Variants in CRAMP1 observed in about 807,000 individuals in gnomAD.
The protein encoded by CRAMP1 is protein cramped-like.
Under a neutral mutation model 115.4 loss-of-function variants are expected in CRAMP1, and 50 were observed. The observed-to-expected ratio is 0.43, with a 90% CI of 0.35 to 0.55. The LOEUF is 0.55. Ranked by LOEUF, CRAMP1 falls within the 20% of genes least tolerant of loss-of-function variation. The pLI is 0.01. For synonymous variants in CRAMP1, 866 were observed against 745.4 expected, an observed-to-expected ratio of 1.16 and a Z score of -2.64; for missense variants, 1,679 against 1,721.7, an observed-to-expected ratio of 0.98 and a Z score of 0.44.
chr16:1,665,162 G>A (rs374626066), intron 14 of CRAMP1, 24 bp downstream of exon 14: 2 of 1,515,096 alleles, frequency 1.3e-6, no homozygotes. Flanking sequence ...GCTTTTCTGG[G>A]GTAGCTTGTC....
chr16:1,635,933 CG>C (rs1239788903), intron 4 of CRAMP1, among the ~76,000 whole-genome samples: 3 of 152,182 alleles, frequency 2.0e-5, no homozygotes, highest in African/African-American at 7.2e-5. Flanking sequence ...CTTCACTCAG[CG>C]TCAGGTTTCA....
chr16:1,655,375 G>A (rs1567457703), intron 9 of CRAMP1, 75 bp downstream of exon 9: 2 of 1,180,136 alleles, frequency 1.7e-6, no homozygotes, highest in Non-Finnish European at 2.5e-6. Context: ...ACGCCTCCCT[G>A]TGCCTGTCAT....
intron 3 of CRAMP1, among the ~76,000 whole-genome samples, chr16:1,631,038 C>T (rs1319108066): frequency 6.6e-6 from 1 of 152,174 alleles, no homozygotes; most frequent in African/African-American, 2.4e-5. Flanking sequence ...CCGTGTTTCT[C>T]ATCATTCTTT....
In CRAMP1 at chr16:1,639,387, CCCTCTAGAGGGGGAAA is replaced by C. The variant is rs372806657; in HGVS notation, c.778+1491_778+1506del. Among the ~76,000 whole-genome samples, 30 of 150,466 alleles carry C rather than the reference CCCTCTAGAGGGGGAAA, an allele frequency of 2.0e-4. No individual in the cohort carries two copies. The East Asian group carries it at 3.7e-3, about 19-fold the overall frequency. ...CAAGAGCCCTTTTACAGAAGTTTCC[CCCTCTAGAGGGGGAAA>C]CCTCTAGAGGTTTCCCATTGGCTGC... is the stretch of plus-strand genomic sequence containing the variant. On this transcript the variant is annotated intron_variant, in intron 5 of 20. Coordinates refer to ENST00000397412, the MANE Select transcript of CRAMP1 (RefSeq NM_020825.4).
At position 1,638,138 on chromosome 16, in the gene CRAMP1, C is replaced by T. The variant is rs117787347; in HGVS notation, c.778+231C>T. Among the ~76,000 whole-genome samples, 167 of 152,322 alleles carry T rather than the reference C, an allele frequency of 1.1e-3. 1 individual carries two copies. Among genetic ancestry groups the T allele is most frequent in the Non-Finnish European group, 1.9e-3 (126 of 68,026 alleles). On this transcript the variant is annotated intron_variant, in intron 5 of 20. Coordinates refer to ENST00000397412, the MANE Select transcript of CRAMP1 (RefSeq NM_020825.4). ...ATGCACATGCACACATGCTCGCGTG[C>T]ACACATGTGTTCACACACTCTGCAT...
chr16:1,666,599 G>C lies in CRAMP1; in HGVS notation c.3035G>C (p.Gly1012Ala). ...HQDGDTLPTV[G>A]GSDPFVSIPS... Reference sequence around the variant, plus strand: ...GATGGAGACACCCTCCCCACCGTGGGGGTGAGTATGTTTAGAAGGGCTTTT... The same window carrying C: ...GATGGAGACACCCTCCCCACCGTGGCGGTGAGTATGTTTAGAAGGGCTTTT... Residue 1012 changes from glycine (G) to alanine (A), a missense_variant and splice_region_variant, in exon 16 of 21, where the codon GGG (glycine) becomes GCG (alanine). Physicochemically the swap from Gly to Ala is moderately conservative, Grantham distance 60. This residue lies in a region of CRAMP1 where 709 missense variants were observed against 741.9 expected (regional missense o/e 0.96). Coordinates refer to ENST00000397412, the MANE Select transcript of CRAMP1 (RefSeq NM_020825.4). This position sits in a 1 kb window ranked among gnomAD's most constrained non-coding sequence, Gnocchi z 5.0. 1.2e-6 allele frequency: 2 copies of C among 1,613,504 alleles called. No homozygotes were observed. The highest frequency in any genetic ancestry group is 1.7e-6 in the Non-Finnish European group (2 of 1,179,576).
chr16:1,621,885 C>G (rs1410369956), intron 2 of CRAMP1, among the ~76,000 whole-genome samples: 4 of 152,146 alleles, frequency 2.6e-5, no homozygotes, highest in Non-Finnish European at 5.9e-5. Flanking sequence ...TGTCCTGCAC[C>G]CAGAGAAGCC....
intron 6 of CRAMP1, among the ~76,000 whole-genome samples, chr16:1,645,178 G>A (rs1320273963): frequency 6.6e-6 from 1 of 151,718 alleles, no homozygotes; most frequent in Admixed American, 6.6e-5. Flanking sequence ...TTAACACTTC[G>A]TTGGTTTATT....
chr16:1,661,292 A>T (rs1033234715), intron 11 of CRAMP1, among the ~76,000 whole-genome samples: 2 of 152,152 alleles, frequency 1.3e-5, no homozygotes, highest in Non-Finnish European at 2.9e-5. Context: ...ACTGCACTCC[A>T]GCCTGGGTGA....
At position 1,657,004 on chromosome 16, in the gene CRAMP1, G is replaced by A. The variant is rs1351091635; in HGVS notation, c.2235+12G>A. On this transcript the variant is annotated intron_variant, in intron 10 of 20. Coordinates refer to ENST00000397412, the MANE Select transcript of CRAMP1 (RefSeq NM_020825.4). ...TCAACCCCAAGCTGGTGAGTGGGTT[G>A]GAGCCCAGCCCCTCTGGCGGCCCAA... The A allele has an allele frequency of 2.0e-6, 3 of 1,501,856 alleles. No individual in the cohort carries two copies. Among genetic ancestry groups the A allele is most frequent in the East Asian group, 4.8e-5 (2 of 41,916 alleles). The allele number at this position is 1,501,856 out of a possible 1,614,324, so 93.0% of individuals were successfully genotyped here. A position where few individuals can be genotyped will look rare whatever the true frequency, so the allele number is the denominator to read the frequency against.
At chr16:1,660,977 C>G (rs1361914005) in intron 11 of CRAMP1, among the ~76,000 whole-genome samples, 1 of 152,038 alleles carries the variant, frequency 6.6e-6, no homozygotes, top group Non-Finnish European at 1.5e-5. Flanking sequence ...CCACTGCACT[C>G]CAGCTCGGGC....
intron 3 of CRAMP1, among the ~76,000 whole-genome samples, chr16:1,629,211 G>T (rs1033665689): frequency 8.5e-5 from 13 of 152,204 alleles, no homozygotes; most frequent in African/African-American, 2.9e-4. Context: ...CATAATGGCT[G>T]CGGCCTCAGC....
At chr16:1,641,246 A>G in intron 6 of CRAMP1, 59 bp downstream of exon 6, 1 of 1,251,284 alleles carries the variant, frequency 8.0e-7, no homozygotes, top group Non-Finnish European at 1.2e-6. Context: ...TTTATTCTCT[A>G]AAATACAGAA....
chr16:1,614,461 C>A lies in CRAMP1; in HGVS notation c.-1-178C>A, dbSNP rs1285765256. Among the ~76,000 whole-genome samples, 1 of 135,586 alleles carries A rather than the reference C, an allele frequency of 7.4e-6. No individual in the cohort carries two copies. Among genetic ancestry groups the A allele is most frequent in the South Asian group, 2.5e-4 (1 of 3,940 alleles). 88.9% of individuals were successfully genotyped at this position (135,586 alleles called of 152,430 possible). A position where few individuals can be genotyped will look rare whatever the true frequency, so the allele number is the denominator to read the frequency against. ...CCGGGCTGGTGGGCAGGGCCGGGGG[C>A]GGCGGCGTGGGGGCGGCAGGGGCCG... On this transcript the variant is annotated intron_variant, in intron 1 of 20. Coordinates refer to ENST00000397412, the MANE Select transcript of CRAMP1 (RefSeq NM_020825.4). This position sits in a 1 kb window ranked among gnomAD's most constrained non-coding sequence, Gnocchi z 4.4.
chr16:1,647,793 A>G (rs1596490586), intron 6 of CRAMP1, among the ~76,000 whole-genome samples: 1 of 150,640 alleles, frequency 6.6e-6, no homozygotes, highest in Non-Finnish European at 1.5e-5. Flanking sequence ...GGAGGGGTGT[A>G]AATAGAGCCT....
intron 2 of CRAMP1, among the ~76,000 whole-genome samples, chr16:1,624,191 T>C (rs1444542015): frequency 6.6e-6 from 1 of 151,892 alleles, no homozygotes; most frequent in Non-Finnish European, 1.5e-5. Flanking sequence ...CTCACTCTGT[T>C]GCCCAGACTG....
rs1167737197 is a variant in CRAMP1 at position 1,677,709 on chromosome 16, TG to T, written c.*3665del. 6.6e-6 allele frequency: 1 copy of T among 152,668 alleles called. No individual in the cohort carries two copies. Among genetic ancestry groups the T allele is most frequent in the Non-Finnish European group, 1.5e-5 (1 of 68,044 alleles). 9.5% of individuals were successfully genotyped at this position (152,668 alleles called of 1,614,324 possible). ...ATTATAAATATGCATATACAGTGTA[TG>T]TATAAAGCAGAATGCCTGCCTTTCC... On this transcript the variant is annotated 3_prime_UTR_variant, in exon 21 of 21. Transcript: ENST00000397412.
At chr16:1,637,353 G>T (rs1480808626) in intron 4 of CRAMP1, among the ~76,000 whole-genome samples, 1 of 151,988 alleles carries the variant, frequency 6.6e-6, no homozygotes, top group Non-Finnish European at 1.5e-5. Flanking sequence ...TGGGCCTCAG[G>T]CAGGGGTGAG....
chr16:1,649,428 C>T (rs1404701019), intron 6 of CRAMP1, among the ~76,000 whole-genome samples: 1 of 152,218 alleles, frequency 6.6e-6, no homozygotes, highest in Non-Finnish European at 1.5e-5. Flanking sequence ...TGAAACCCAG[C>T]TGCTGCTCCT....
Sources: gnomAD v4.1 joint callset for allele counts (sites outside exome capture counted in the v4.1 genomes callset) on GRCh38, gnomAD v4.1.1 for gene constraint, gnomAD v4.1.1 regional missense constraint, Gnocchi (gnomAD v3.1) non-coding constraint, MANE v1.5 for transcripts, NCBI Gene and HGNC (gene_info 2026-07-23, HGNC 2026-07-21) for gene names.